Variants in CTNNA3 observed in about 807,000 individuals in gnomAD.
CTNNA3 encodes the protein catenin alpha-3.
A neutral mutation model predicts 95.7 loss-of-function variants in CTNNA3; 76 were observed. The ratio of observed to expected loss-of-function variants is 0.79; its 90% confidence interval spans 0.66 to 0.96. CTNNA3 has a LOEUF of 0.96. CTNNA3 is among the 40% of genes least tolerant of loss of function. The pLI, the probability that CTNNA3 is intolerant of heterozygous loss-of-function variation, is 0.00. For synonymous variants in CTNNA3, 431 were observed against 374.4 expected (o/e 1.15, Z -1.74); for missense variants, 1,191 against 1,089.8 (o/e 1.09, Z -1.31).
intron 7 of CTNNA3, among the ~76,000 whole-genome samples, chr10:67,100,845 T>C (rs1353477433): frequency 6.6e-6 from 1 of 151,724 alleles, no homozygotes; most frequent in Admixed American, 6.6e-5. Context: ...CAATAATTGG[T>C]GCAGTTGAAT....
rs191913904 is a variant in CTNNA3, at chr10:66,334,552, A to G, written c.1732+44600T>C. Among the ~76,000 whole-genome samples, 14 of 152,116 alleles carry G rather than the reference A, an allele frequency of 9.2e-5. No individual in the cohort carries two copies. In the East Asian group the frequency reaches 2.5e-3, roughly 27 times the overall value. On this transcript the variant is annotated intron_variant, in intron 12 of 17. Transcript: ENST00000433211. ...AAATTCTTTTCTTTAATAATGTTGA[A>G]TATTGGCCCCCACTCTCTTCTGGCT...
chr10:66,534,354 T>C (rs1841574595), intron 10 of CTNNA3, among the ~76,000 whole-genome samples: 1 of 151,980 alleles, frequency 6.6e-6, no homozygotes, highest in Non-Finnish European at 1.5e-5. Context: ...GAAACAAAGT[T>C]CTTTATTACC....
intron 7 of CTNNA3, among the ~76,000 whole-genome samples, chr10:66,928,682 C>G (rs992887260): frequency 9.9e-5 from 15 of 152,178 alleles, no homozygotes; most frequent in African/African-American, 3.6e-4. Flanking sequence ...CAATGTGAAG[C>G]TTGAACTCCG....
At chr10:67,391,228 T>C (rs1328525728) in intron 5 of CTNNA3, among the ~76,000 whole-genome samples, 2 of 152,038 alleles carry the variant, frequency 1.3e-5, no homozygotes, top group Non-Finnish European at 1.5e-5. Context: ...AAAATCAATG[T>C]ACAAAAATCA....
chr10:66,555,851 G>C (rs548802247), intron 10 of CTNNA3, among the ~76,000 whole-genome samples: 1 of 151,732 alleles, frequency 6.6e-6, no homozygotes, highest in East Asian at 1.9e-4. Context: ...CAGCAAACAA[G>C]AGCACAAATA....
chr10:67,558,840 G>A (rs543104147), intron 3 of CTNNA3, among the ~76,000 whole-genome samples: 4 of 152,214 alleles, frequency 2.6e-5, no homozygotes, highest in Non-Finnish European at 4.4e-5. Flanking sequence ...ATTATATCCC[G>A]CACATGGCTC....
intron 3 of CTNNA3, among the ~76,000 whole-genome samples, chr10:67,574,092 G>T (rs1013353210): frequency 7.9e-5 from 12 of 152,072 alleles, no homozygotes; most frequent in Non-Finnish European, 1.5e-4. Context: ...ATTAAACAGA[G>T]CAGAAGAGCT....
At chr10:66,067,007 T>A (rs556007574) in intron 15 of CTNNA3, among the ~76,000 whole-genome samples, 2 of 150,970 alleles carry the variant, frequency 1.3e-5, no homozygotes, top group South Asian at 2.1e-4. Flanking sequence ...AAAAAAAAAA[T>A]ATACGCCAAA....
chr10:66,500,718 G>A (rs1840251179), intron 11 of CTNNA3, among the ~76,000 whole-genome samples: 1 of 152,040 alleles, frequency 6.6e-6, no homozygotes, highest in Non-Finnish European at 1.5e-5. Context: ...ACACAAAAAG[G>A]ACGTATTTTT....
rs562962325 is a variant in CTNNA3, at chr10:66,610,975, CA to C, written c.1374+10716del. 4.6e-5 allele frequency among the ~76,000 whole-genome samples: 7 copies of C among 151,988 alleles called. No homozygotes were observed. In the South Asian group the frequency reaches 1.5e-3, roughly 32 times the overall value. On this transcript the variant is annotated intron_variant, in intron 10 of 17. Coordinates refer to ENST00000433211, the MANE Select transcript of CTNNA3 (RefSeq NM_013266.4). ...CATACAATGGAATATTATTCAGCCACAAAAAAATGAAATCCTGTCTTTTGCA... is the reference window on the plus strand; with the variant it reads ...CATACAATGGAATATTATTCAGCCACAAAAAATGAAATCCTGTCTTTTGCA...
chr10:66,477,270 T>G (rs994308545), intron 11 of CTNNA3, among the ~76,000 whole-genome samples: 35 of 152,252 alleles, frequency 2.3e-4, no homozygotes, highest in African/African-American at 8.2e-4. Context: ...ATCAATAGTT[T>G]GACTAAATTT....
intron 10 of CTNNA3, among the ~76,000 whole-genome samples, chr10:66,536,571 T>C (rs1841667496): frequency 6.6e-6 from 1 of 150,906 alleles, no homozygotes; most frequent in African/African-American, 2.4e-5. Flanking sequence ...GTAGTAATAA[T>C]CTCAACAAGA....
intron 12 of CTNNA3, among the ~76,000 whole-genome samples, chr10:66,344,299 T>C (rs1466838083): frequency 4.6e-4 from 70 of 151,170 alleles, no homozygotes; most frequent in Non-Finnish European, 8.9e-5. Context: ...AGAGTCTCGC[T>C]CTTGTCACCC....
chr10:66,280,893 T>G (rs2132160130), intron 12 of CTNNA3, among the ~76,000 whole-genome samples: 1 of 151,980 alleles, frequency 6.6e-6, no homozygotes, highest in African/African-American at 2.4e-5. Flanking sequence ...TTTTAAAAGA[T>G]TATCTTTCTC....
At chr10:66,296,215 T>G (rs1350067876) in intron 12 of CTNNA3, among the ~76,000 whole-genome samples, 3 of 152,106 alleles carry the variant, frequency 2.0e-5, no homozygotes, top group Admixed American at 6.5e-5. Context: ...TTTTAAAGAT[T>G]TATAGGAAGA....
intron 5 of CTNNA3, among the ~76,000 whole-genome samples, chr10:67,352,385 C>T (rs1441724899): frequency 6.6e-6 from 1 of 151,890 alleles, no homozygotes; most frequent in Non-Finnish European, 1.5e-5. Flanking sequence ...TGTATTTATT[C>T]CTTGACTTGA....
At chr10:67,697,366 C>T (rs1423880752), upstream of CTNNA3, among the ~76,000 whole-genome samples, 1 of 152,134 alleles carries the variant, frequency 6.6e-6, no homozygotes, top group Non-Finnish European at 1.5e-5. Flanking sequence ...AAAGAAATCA[C>T]TTGACACTTG....
intron 5 of CTNNA3, among the ~76,000 whole-genome samples, chr10:67,398,765 T>G (rs1033775911): frequency 7.9e-5 from 12 of 152,182 alleles, no homozygotes; most frequent in Non-Finnish European, 1.8e-4. Flanking sequence ...CTCTACACTG[T>G]TGCTTTCATG....
chr10:67,283,512 T>G (rs1305824904), intron 5 of CTNNA3, among the ~76,000 whole-genome samples: 1 of 152,152 alleles, frequency 6.6e-6, no homozygotes, highest in Admixed American at 6.5e-5. Context: ...TCCAAAGTCC[T>G]AGTAGGTCAC....
Sources: allele counts gnomAD v4.1 joint callset (sites outside exome capture counted in the v4.1 genomes callset), GRCh38; gene constraint gnomAD v4.1.1; transcripts MANE v1.5; gene names NCBI Gene and HGNC (gene_info 2026-07-23, HGNC 2026-07-21).